TTC7B: variants seen among roughly 807,000 people sequenced by gnomAD.
The protein encoded by TTC7B is tetratricopeptide repeat protein 7B.
TTC7B carries 28 observed loss-of-function variants against 106.8 expected under a neutral mutation model. That is an observed-to-expected ratio of 0.26 (90% confidence interval 0.19 to 0.36). TTC7B has a LOEUF of 0.36. Among genes scored for constraint, TTC7B ranks in the 10% least tolerant of loss-of-function variants. The probability of loss-of-function intolerance (pLI) is 1.00; values close to 1 mark genes in which losing one functional copy is unlikely to be tolerated. For missense variants in TTC7B, 862 were observed against 1,076.4 expected, an observed-to-expected ratio of 0.80 and a Z score of 2.79; for synonymous variants, 405 against 430.6, an observed-to-expected ratio of 0.94 and a Z score of 0.74.
At chr14:90,607,825 A>G (rs894711560) in intron 17 of TTC7B, among the ~76,000 whole-genome samples, 1 of 152,214 alleles carries the variant, frequency 6.6e-6, no homozygotes, top group Non-Finnish European at 1.5e-5. Flanking sequence ...TCAAAAGCAT[A>G]CACAGTGTGT....
chr14:90,661,614 G>T (rs1458844029), intron 9 of TTC7B, among the ~76,000 whole-genome samples: 1 of 152,150 alleles, frequency 6.6e-6, no homozygotes, highest in Non-Finnish European at 1.5e-5. Flanking sequence ...GCCGGTATGT[G>T]GAGAGATGGT....
intron 3 of TTC7B, among the ~76,000 whole-genome samples, chr14:90,776,421 A>G (rs933604078): frequency 2.0e-5 from 3 of 152,150 alleles, no homozygotes; most frequent in African/African-American, 7.2e-5. Context: ...GGAATGCTAG[A>G]TTGGCAAGGG....
intron 2 of TTC7B, among the ~76,000 whole-genome samples, chr14:90,782,785 G>A (rs1891261530): frequency 6.6e-6 from 1 of 152,184 alleles, no homozygotes; most frequent in Non-Finnish European, 1.5e-5. Flanking sequence ...AGCATTAATG[G>A]ACACATCACA....
intron 18 of TTC7B, among the ~76,000 whole-genome samples, chr14:90,589,491 A>C (rs1450366892): frequency 1.3e-5 from 2 of 152,214 alleles, no homozygotes; most frequent in African/African-American, 4.8e-5. Flanking sequence ...CTTATACTGT[A>C]TTGTTTAGGG....
At chr14:90,617,641 G>A (rs2139848230) in intron 16 of TTC7B, among the ~76,000 whole-genome samples, 1 of 152,272 alleles carries the variant, frequency 6.6e-6, no homozygotes, top group South Asian at 2.1e-4. Context: ...TTAGGTAAAC[G>A]GGTGTTAGAG....
chr14:90,579,768 G>A (rs2139806490), intron 18 of TTC7B, among the ~76,000 whole-genome samples: 1 of 152,328 alleles, frequency 6.6e-6, no homozygotes, highest in African/African-American at 2.4e-5. Flanking sequence ...CAGCCTGGGT[G>A]ACAGAGTGAG....
intron 15 of TTC7B, among the ~76,000 whole-genome samples, chr14:90,641,615 T>C (rs1160666990): frequency 6.6e-6 from 1 of 152,240 alleles, no homozygotes; most frequent in East Asian, 1.9e-4. Flanking sequence ...AATACAAATA[T>C]TTAAAAAGCA....
intron 1 of TTC7B, among the ~76,000 whole-genome samples, chr14:90,790,074 G>T (rs72695530): frequency 0.058 from 8,794 of 151,954 alleles, 301 homozygotes; most frequent in Non-Finnish European, 0.068. Flanking sequence ...ATGTAGCTAG[G>T]GGATATCATA....
At chr14:90,781,307 T>A (rs975960995) in intron 2 of TTC7B, among the ~76,000 whole-genome samples, 3 of 152,196 alleles carry the variant, frequency 2.0e-5, no homozygotes, top group Non-Finnish European at 4.4e-5. Flanking sequence ...GGGAGGTGGC[T>A]GCTGGTGATA....
At chr14:90,739,034 C>T (rs1889657098) in intron 4 of TTC7B, among the ~76,000 whole-genome samples, 1 of 151,962 alleles carries the variant, frequency 6.6e-6, no homozygotes, top group Non-Finnish European at 1.5e-5. Flanking sequence ...CAAAACACAA[C>T]AAAAAAACAC....
At chr14:90,618,923 A>G (rs1456705479) in intron 15 of TTC7B, among the ~76,000 whole-genome samples, 2 of 152,230 alleles carry the variant, frequency 1.3e-5, no homozygotes, top group Non-Finnish European at 2.9e-5. Flanking sequence ...CTTTTCCCCA[A>G]GACGGAGTCT....
intron 3 of TTC7B, among the ~76,000 whole-genome samples, chr14:90,754,005 A>G (rs533111023): frequency 3.3e-5 from 5 of 152,358 alleles, no homozygotes; most frequent in African/African-American, 1.2e-4. Flanking sequence ...TAGTAACCCT[A>G]TAATAGTAAT....
At chr14:90,706,896 T>C (rs1163570691) in intron 5 of TTC7B, among the ~76,000 whole-genome samples, 2 of 152,224 alleles carry the variant, frequency 1.3e-5, no homozygotes, top group Admixed American at 1.3e-4. Context: ...CACACATACA[T>C]GTACATATGT....
In TTC7B at chr14:90,618,129, C is replaced by G. The variant is rs530579558; in HGVS notation, c.1752-84G>C. ...CAGCAAGACAAGTGGTGGGCTTAGA[C>G]CCAGAAGCAGCTGTACTCATTTCAG... On this transcript the variant is annotated intron_variant, in intron 15 of 19. Coordinates refer to ENST00000328459, the MANE Select transcript of TTC7B (RefSeq NM_001010854.2). 1.3e-4 allele frequency: 124 copies of G among 979,678 alleles called. 1 individual carries two copies. The African/African-American group carries it at 1.7e-3, about 13-fold the overall frequency. 60.7% of individuals were successfully genotyped at this position (979,678 alleles called of 1,614,324 possible). A position where few individuals can be genotyped will look rare whatever the true frequency, so the allele number is the denominator to read the frequency against.
chr14:90,632,589 A>G (rs192419997), intron 15 of TTC7B, among the ~76,000 whole-genome samples: 20 of 152,344 alleles, frequency 1.3e-4, no homozygotes, highest in African/African-American at 4.8e-4. Context: ...TGGAGCAGAA[A>G]CTGACTTGTT....
At chr14:90,592,035 G>A (rs957744069) in intron 18 of TTC7B, among the ~76,000 whole-genome samples, 1 of 152,206 alleles carries the variant, frequency 6.6e-6, no homozygotes, top group Non-Finnish European at 1.5e-5. Flanking sequence ...AGTCATTATG[G>A]TGCAATTGAA....
intron 3 of TTC7B, among the ~76,000 whole-genome samples, chr14:90,761,410 C>G (rs574672498): frequency 1.3e-5 from 2 of 152,128 alleles, no homozygotes; most frequent in East Asian, 3.9e-4. Flanking sequence ...TGTGGCCCCA[C>G]CCAGAAGCAG....
intron 17 of TTC7B, among the ~76,000 whole-genome samples, chr14:90,603,568 T>C (rs1325540387): frequency 6.6e-6 from 1 of 152,182 alleles, no homozygotes; most frequent in Non-Finnish European, 1.5e-5. Flanking sequence ...GCAATGTATT[T>C]TGTTTCCAGA....
chr14:90,816,099 G>T, intron 1 of TTC7B, 76 bp downstream of exon 1: 6 of 975,044 alleles, frequency 6.2e-6, no homozygotes, highest in Non-Finnish European at 7.3e-6. Flanking sequence ...CCCCGCGCCC[G>T]GCCGCGCCTC....
Sources: gnomAD v4.1 joint callset for allele counts (sites outside exome capture counted in the v4.1 genomes callset) on GRCh38, gnomAD v4.1.1 for gene constraint, MANE v1.5 for transcripts, NCBI Gene and HGNC (gene_info 2026-07-23, HGNC 2026-07-21) for gene names.